The following IQGAP1 variants were observed in gnomAD, a reference collection of about 807,000 sequenced individuals.
IQGAP1 encodes the protein IQ motif containing GTPase activating protein 1.
Under a neutral mutation model 215.6 loss-of-function variants are expected in IQGAP1, and 66 were observed. The ratio of observed to expected loss-of-function variants is 0.31; its 90% CI spans 0.25 to 0.38. IQGAP1 has a LOEUF of 0.38. IQGAP1 is among the 10% of genes least tolerant of loss of function. The pLI, the probability that IQGAP1 is intolerant of heterozygous loss-of-function variation, is 1.00. For missense variants in IQGAP1, 1,712 were observed against 1,997.1 expected (o/e 0.86, Z 2.72); for synonymous variants, 772 against 728.7 (o/e 1.06, Z -0.96).
chr15:90,467,756 C>T (rs1965851715), intron 18 of IQGAP1, among the ~76,000 whole-genome samples, 164 bp downstream of exon 18: 1 of 152,058 alleles, frequency 6.6e-6, no homozygotes, highest in Admixed American at 6.5e-5. Context: ...GGGGGAGTGA[C>T]TGAGGCCTGA....
intron 2 of IQGAP1, among the ~76,000 whole-genome samples, chr15:90,409,551 T>G (rs900546617): frequency 1.3e-5 from 2 of 152,136 alleles, no homozygotes; most frequent in Non-Finnish European, 2.9e-5. Flanking sequence ...ATTTTTACAT[T>G]TTTTTGTAGA....
intron 4 of IQGAP1, among the ~76,000 whole-genome samples, chr15:90,432,979 C>T (rs1035923184): frequency 6.6e-6 from 1 of 152,156 alleles, no homozygotes; most frequent in Non-Finnish European, 1.5e-5. Context: ...GTAGAGCTTC[C>T]ATGACCCTGG....
At chr15:90,495,676 CTG>C (rs1275075035) in intron 36 of IQGAP1, among the ~76,000 whole-genome samples, 1 of 140,056 alleles carries the variant, frequency 7.1e-6, no homozygotes, top group Non-Finnish European at 1.5e-5. Context: ...CGGAGTCTCT[CTG>C]TCACCCAAGA....
At chr15:90,447,398 A>C (rs1484732423) in intron 9 of IQGAP1, among the ~76,000 whole-genome samples, 3 of 152,068 alleles carry the variant, frequency 2.0e-5, no homozygotes, top group Admixed American at 6.6e-5. Flanking sequence ...CTAGTTTGAG[A>C]CTTTATTTTC....
rs1468845664 is a variant in IQGAP1 at position 90,502,087 on chromosome 15, C to G, written c.*1979C>G. The stretch of plus-strand genomic sequence containing the variant: ...ATTTATTAGCTGTAGCATTCTCTGT[C>G]TCCTCTCTCTCCTCCTTTGACCTTC... On this transcript the variant is annotated 3_prime_UTR_variant, in exon 38 of 38. Transcript: ENST00000268182. The G allele has an allele frequency of 6.6e-6, 1 of 152,666 alleles. No individual in the cohort carries two copies. The highest frequency in any genetic ancestry group is 1.5e-5 in the Non-Finnish European group (1 of 68,056). The allele number at this position is 152,666 out of a possible 1,614,324, so 9.5% of individuals were successfully genotyped here.
In IQGAP1 at chr15:90,388,291, G is replaced by A. The variant is rs1340341431; in HGVS notation, c.-51G>A. On this transcript the variant is annotated 5_prime_UTR_variant, in exon 1 of 38. Coordinates refer to ENST00000268182, the MANE Select transcript of IQGAP1 (RefSeq NM_003870.4). ...GCAGGAGCTGTAGCTACCGCCGTCC[G>A]CGCCTCCAAGGTTTCACGGCTTCCT... The A allele has an allele frequency of 6.3e-7, 1 of 1,590,438 alleles. No homozygotes were observed. Among genetic ancestry groups the A allele is most frequent in the Non-Finnish European group, 8.6e-7 (1 of 1,168,988 alleles).
intron 4 of IQGAP1, 104 bp downstream of exon 4, chr15:90,429,770 T>C (rs1255230101): frequency 3.2e-5 from 21 of 663,476 alleles, no homozygotes; most frequent in South Asian, 1.3e-4. Context: ...TCAGAATCTT[T>C]GGTGTTTTTT....
Position 90,491,390 on chromosome 15 carries a change from G to T in IQGAP1, c.4306G>T (p.Asp1436Tyr), listed in dbSNP as rs1375468567. 3.1e-6 allele frequency: 5 copies of T among 1,614,102 alleles called. No individual in the cohort carries two copies. The South Asian group carries it at 5.5e-5, about 18-fold the overall frequency. ...RRAIRDAKTP[D>Y]KMKKSKSVKE... ...TGCTATCCGTGATGCCAAAACACCT[G>T]ACAAGATGAAAAAGTCAAAATCTGT... The change falls in exon 34 of 38, where the codon GAC (aspartate) becomes TAC (tyrosine). Residue 1436 changes from aspartate (D) to tyrosine (Y), a missense_variant. Transcript: ENST00000268182.
intron 4 of IQGAP1, chr15:90,431,187 T>C (rs1596263080): frequency 6.6e-6 from 1 of 151,936 alleles, no homozygotes; most frequent in East Asian, 1.9e-4. Flanking sequence ...ACTGAGTCTT[T>C]GCAGAAGACT....
In IQGAP1 at chr15:90,483,568, C is replaced by G; in HGVS notation, c.3763C>G (p.Leu1255Val). 2 of 1,612,228 alleles carry G rather than the reference C, an allele frequency of 1.2e-6. No homozygotes were observed. The highest frequency in any genetic ancestry group is 1.7e-6 in the Non-Finnish European group (2 of 1,179,200). The change falls in exon 29 of 38, where the codon CTT (leucine) becomes GTT (valine). Residue 1255 changes from leucine (L) to valine (V), a missense_variant. By Grantham distance (32) the Leu-to-Val change is conservative. Coordinates refer to ENST00000268182, the MANE Select transcript of IQGAP1 (RefSeq NM_003870.4). ...CCACTTAAGCATCATTAATGAATAT[C>G]TTTCCCAGTCCTACCAGAAATTCAG... ...NAHLSIINEY[L>V]SQSYQKFRRF...
chr15:90,466,265 A>G lies in IQGAP1; in HGVS notation c.1868-4A>G, dbSNP rs1965829581. The G allele has an allele frequency of 1.2e-6, 2 of 1,614,014 alleles. No individual in the cohort carries two copies. Among genetic ancestry groups the G allele is most frequent in the Non-Finnish European group, 1.7e-6 (2 of 1,179,874 alleles). On this transcript the variant is annotated splice_region_variant and splice_polypyrimidine_tract_variant and intron_variant, in intron 16 of 37. Transcript: ENST00000268182. ...ATTCTGGTAACAGTTCTTTCCCGAA[A>G]TAGTTGCCTTAGGAATCTTTGCCAT...
intron 2 of IQGAP1, among the ~76,000 whole-genome samples, chr15:90,407,531 G>A (rs190924347): frequency 1.3e-5 from 2 of 152,108 alleles, no homozygotes; most frequent in Non-Finnish European, 2.9e-5. Flanking sequence ...ATTTCCAAAC[G>A]GTGTCTGAGC....
intron 9 of IQGAP1, among the ~76,000 whole-genome samples, chr15:90,447,045 A>G (rs1049811353): frequency 6.6e-6 from 1 of 152,212 alleles, no homozygotes; most frequent in African/African-American, 2.4e-5. Flanking sequence ...TGTTATCTAC[A>G]TTGATTTTAT....
At chr15:90,498,809 G>A (rs764558125) in intron 37 of IQGAP1, among the ~76,000 whole-genome samples, 6 of 89,076 alleles carry the variant, frequency 6.7e-5, no homozygotes, top group African/African-American at 9.8e-5. Flanking sequence ...CATCACGCCC[G>A]GCTAATTTTT....
chr15:90,473,852 T>C, intron 20 of IQGAP1, 44 bp from the exon 21 acceptor site: 1 of 1,611,298 alleles, frequency 6.2e-7, no homozygotes, highest in Non-Finnish European at 8.5e-7. Flanking sequence ...TAACACGTGT[T>C]GAGATGAAGG....
intron 32 of IQGAP1, 118 bp downstream of exon 32, chr15:90,487,207 A>G: frequency 1.0e-6 from 1 of 968,244 alleles, no homozygotes; most frequent in Non-Finnish European, 1.6e-6. Context: ...TACTTGTCAT[A>G]ATCCCAGTCA....
chr15:90,474,215 G>A, intron 22 of IQGAP1, 82 bp downstream of exon 22: 1 of 1,276,240 alleles, frequency 7.8e-7, no homozygotes, highest in Non-Finnish European at 1.1e-6. Flanking sequence ...GACCTCTTTT[G>A]TTATCCTGAA....
At chr15:90,430,081 GA>G (rs1965281314) in intron 4 of IQGAP1, among the ~76,000 whole-genome samples, 1 of 152,222 alleles carries the variant, frequency 6.6e-6, no homozygotes, top group Admixed American at 6.5e-5. Flanking sequence ...TAGGGAGTAT[GA>G]AGGGTCATTT....
chr15:90,497,145 A>G (rs904595968), intron 36 of IQGAP1, 87 bp from the exon 37 acceptor site: 6 of 703,944 alleles, frequency 8.5e-6, no homozygotes, highest in Admixed American at 2.7e-5. Context: ...ACTCTTGAAG[A>G]CTTGGTTCAT....
Sources: gnomAD v4.1 joint callset for allele counts (sites outside exome capture counted in the v4.1 genomes callset) on GRCh38, gnomAD v4.1.1 for gene constraint, MANE v1.5 for transcripts, NCBI Gene and HGNC (gene_info 2026-07-23, HGNC 2026-07-21) for gene names.